PARD3: variants seen among roughly 807,000 people sequenced by gnomAD.
PARD3 encodes the protein par-3 family cell polarity regulator.
A neutral mutation model predicts 155.4 loss-of-function variants in PARD3; 75 were observed. That is an observed-to-expected ratio of 0.48 (90% CI 0.40 to 0.58). The LOEUF is 0.58. Among genes scored for constraint, PARD3 ranks in the 20% least tolerant of loss-of-function variants. The pLI is 0.00. For synonymous variants in PARD3, 576 were observed against 610.5 expected (o/e 0.94, Z 0.83); for missense variants, 1,642 against 1,721.7 (o/e 0.95, Z 0.82).
At chr10:34,266,774 G>T (rs1443911760) in intron 22 of PARD3, among the ~76,000 whole-genome samples, 2 of 152,178 alleles carry the variant, frequency 1.3e-5, no homozygotes, top group South Asian at 2.1e-4. Context: ...TCAGTTTGGG[G>T]TTAGCACAGT....
chr10:34,211,476 G>A (rs1951746036), intron 22 of PARD3, among the ~76,000 whole-genome samples: 2 of 152,182 alleles, frequency 1.3e-5, no homozygotes, highest in Non-Finnish European at 2.9e-5. Flanking sequence ...GAGGAAGGGA[G>A]CAAAGTTCTA....
At chr10:34,704,664 C>T (rs895153595) in intron 1 of PARD3, among the ~76,000 whole-genome samples, 1 of 152,190 alleles carries the variant, frequency 6.6e-6, no homozygotes, top group Non-Finnish European at 1.5e-5. Context: ...GAAAAGGCAA[C>T]CTCTCCCAAA....
At chr10:34,793,484 T>C (rs1841901752) in intron 1 of PARD3, among the ~76,000 whole-genome samples, 3 of 152,190 alleles carry the variant, frequency 2.0e-5, no homozygotes, top group African/African-American at 7.2e-5. Context: ...AAAGCCATCC[T>C]TAGAAAGTTT....
intron 22 of PARD3, among the ~76,000 whole-genome samples, chr10:34,156,505 G>C (rs1258308011): frequency 6.6e-6 from 1 of 152,142 alleles, no homozygotes; most frequent in African/African-American, 2.4e-5. Context: ...CAAACTAAAG[G>C]TATAATTTTT....
At chr10:34,300,301 C>A (rs1467566302) in intron 20 of PARD3, among the ~76,000 whole-genome samples, 1 of 152,110 alleles carries the variant, frequency 6.6e-6, no homozygotes, top group Non-Finnish European at 1.5e-5. Context: ...ATAGTGGGGG[C>A]TCCTGATTAT....
rs77374544 is a variant in PARD3, at chr10:34,253,164, C to T, written c.3419+16493G>A. 1.9e-3 allele frequency among the ~76,000 whole-genome samples: 294 copies of T among 152,264 alleles called. 3 individuals carry two copies. Among genetic ancestry groups the T allele is most frequent in the African/African-American group, 6.8e-3 (281 of 41,558 alleles). On this transcript the variant is annotated intron_variant, in intron 22 of 24. Transcript: ENST00000374788. ...TCCCAGATGCAAATAAAATTCCTTACAAATAAATATCAGAAGGAAGGTGTG... is the reference window on the plus strand; with the variant it reads ...TCCCAGATGCAAATAAAATTCCTTATAAATAAATATCAGAAGGAAGGTGTG...
intron 22 of PARD3, among the ~76,000 whole-genome samples, chr10:34,197,257 G>A (rs1950990680): frequency 6.6e-6 from 1 of 152,176 alleles, no homozygotes. Flanking sequence ...TCAAGATTGA[G>A]TTGGCTTCTG....
At chr10:34,300,273 G>A (rs1957085597) in intron 20 of PARD3, among the ~76,000 whole-genome samples, 1 of 152,112 alleles carries the variant, frequency 6.6e-6, no homozygotes. Flanking sequence ...AACACAGTCT[G>A]GAAATGTATG....
chr10:34,729,280 T>C (rs946002444), intron 1 of PARD3, among the ~76,000 whole-genome samples: 14 of 152,036 alleles, frequency 9.2e-5, no homozygotes, highest in Non-Finnish European at 1.9e-4. Flanking sequence ...CCTATAATCC[T>C]AGCACTTTGG....
intron 22 of PARD3, among the ~76,000 whole-genome samples, chr10:34,143,580 C>T (rs1315886534): frequency 6.6e-6 from 1 of 152,092 alleles, no homozygotes; most frequent in Non-Finnish European, 1.5e-5. Context: ...CTATACGAAA[C>T]TAAGCTATGT....
rs189736202 is a variant in PARD3 at position 34,422,924 on chromosome 10, C to G, written c.715-21007G>C. Among the ~76,000 whole-genome samples, 182 of 152,232 alleles carry G rather than the reference C, an allele frequency of 1.2e-3. 1 individual carries two copies. Among genetic ancestry groups the G allele is most frequent in the African/African-American group, 4.2e-3 (176 of 41,552 alleles). On this transcript the variant is annotated intron_variant, in intron 5 of 24. Coordinates refer to ENST00000374788, the MANE Select transcript of PARD3 (RefSeq NM_001184785.2). ...CTATTATATGACCTAGCAATCCCAC[C>G]ACTGGGCATGTATCCAAAGAAAATG...
At chr10:34,461,123 G>A (rs2077623765) in intron 4 of PARD3, among the ~76,000 whole-genome samples, 1 of 152,152 alleles carries the variant, frequency 6.6e-6, no homozygotes, top group Non-Finnish European at 1.5e-5. Context: ...ACAGGAGCAG[G>A]AATATATGCA....
chr10:34,336,880 T>C (rs1836249219), intron 17 of PARD3, among the ~76,000 whole-genome samples: 1 of 152,140 alleles, frequency 6.6e-6, no homozygotes, highest in Admixed American at 6.5e-5. Context: ...TGGATTGAGA[T>C]AATGGTTTCT....
chr10:34,154,408 C>T lies in PARD3; in HGVS notation c.3420-22825G>A, dbSNP rs148296469. On this transcript the variant is annotated intron_variant, in intron 22 of 24. Coordinates refer to ENST00000374788, the MANE Select transcript of PARD3 (RefSeq NM_001184785.2). ...ATTTAGCAGTCATGGTGAACGCCCA[C>T]ACTGCAGCTTTCCTGGCAACAGACT... is the stretch of plus-strand genomic sequence containing the variant. 6.2e-3 allele frequency among the ~76,000 whole-genome samples: 949 copies of T among 152,310 alleles called. 8 individuals carry two copies. Among genetic ancestry groups the T allele is most frequent in the African/African-American group, 0.021 (893 of 41,558 alleles).
At chr10:34,362,515 G>A (rs931326904) in intron 12 of PARD3, among the ~76,000 whole-genome samples, 2 of 151,496 alleles carry the variant, frequency 1.3e-5, no homozygotes, top group Non-Finnish European at 1.5e-5. Context: ...TTGTTTTTTT[G>A]AGACAGTCTC....
intron 20 of PARD3, among the ~76,000 whole-genome samples, chr10:34,293,031 C>A (rs1956748782): frequency 6.6e-6 from 1 of 151,702 alleles, no homozygotes; most frequent in Admixed American, 6.6e-5. Context: ...ACAAGAATCA[C>A]CACAAACTCC....
At chr10:34,218,204 T>C (rs904382252) in intron 22 of PARD3, among the ~76,000 whole-genome samples, 1 of 152,194 alleles carries the variant, frequency 6.6e-6, no homozygotes, top group Non-Finnish European at 1.5e-5. Flanking sequence ...TCTCAACCCA[T>C]TAGACTCTAT....
At chr10:34,492,210 T>C (rs2051016) in intron 3 of PARD3, among the ~76,000 whole-genome samples, 3,805 of 152,240 alleles carry the variant, frequency 0.025, 160 homozygotes, top group African/African-American at 0.086. Context: ...TTACCATACA[T>C]TGAATCAACA....
intron 19 of PARD3, among the ~76,000 whole-genome samples, chr10:34,329,107 T>A (rs984501050): frequency 6.6e-6 from 1 of 152,196 alleles, no homozygotes; most frequent in Non-Finnish European, 1.5e-5. Flanking sequence ...TACTGTTATT[T>A]CTCATTTTGT....
Sources: gnomAD v4.1 joint callset for allele counts (sites outside exome capture counted in the v4.1 genomes callset) on GRCh38, gnomAD v4.1.1 for gene constraint, MANE v1.5 for transcripts, NCBI Gene and HGNC (gene_info 2026-07-23, HGNC 2026-07-21) for gene names.